The following DOCK7 variants were observed in gnomAD, a reference collection of about 807,000 sequenced individuals.
DOCK7 encodes dedicator of cytokinesis 7.
Under a neutral mutation model 271.0 loss-of-function variants are expected in DOCK7, and 138 were observed. That is an observed-to-expected ratio of 0.51 (90% CI 0.44 to 0.59). DOCK7 has a LOEUF of 0.59. Among genes scored for constraint, DOCK7 ranks in the 20% least tolerant of loss-of-function variants. The pLI, the probability that DOCK7 is intolerant of heterozygous loss-of-function variation, is 0.00. For synonymous variants in DOCK7, 823 were observed against 876.1 expected (o/e 0.94, Z 1.07); for missense variants, 2,066 against 2,592.4 (o/e 0.80, Z 4.41).
intron 1 of DOCK7, among the ~76,000 whole-genome samples, chr1:62,677,550 T>TAA (rs5774612): frequency 7.0e-6 from 1 of 142,112 alleles, no homozygotes; most frequent in East Asian, 2.0e-4. Context: ...CCCCAGCAAA[T>TAA]AAAAAAAAAA....
At chr1:62,488,774 G>A (rs558375029) in intron 42 of DOCK7, 160 bp downstream of exon 42, 1 of 869,220 alleles carries the variant, frequency 1.2e-6, no homozygotes, top group Admixed American at 2.0e-5. Flanking sequence ...TATTGTTAAT[G>A]AGCTTTGCTT....
At position 62,538,060 on chromosome 1, in the gene DOCK7, A is replaced by G. The variant is rs1423310583; in HGVS notation, c.3302T>C (p.Val1101Ala). Residue 1101 changes from valine to alanine, a missense_variant and splice_region_variant, in exon 28 of 50, where the codon GTG becomes GCG. By Grantham distance (64) the Val-to-Ala change is moderately conservative (BLOSUM62 0). Transcript: ENST00000635253. ...CGGTAATGAGTAAAGCTTTGAAGAC[A>G]CCTTGTAAGCAATGCATAAGTAAGA... is the stretch of plus-strand genomic sequence containing the variant. ...FSLIKSCYKQ[V>A]SSKLYSLPNP... 1 of 1,612,958 alleles carries G rather than the reference A, an allele frequency of 6.2e-7. No individual in the cohort carries two copies. Among genetic ancestry groups the G allele is most frequent in the Non-Finnish European group, 8.5e-7 (1 of 1,179,462 alleles).
At chr1:62,655,836 T>C (rs950496058) in intron 2 of DOCK7, among the ~76,000 whole-genome samples, 10 of 152,276 alleles carry the variant, frequency 6.6e-5, no homozygotes, top group Admixed American at 1.3e-4. Flanking sequence ...CATTTAAACT[T>C]CCCCCAAACC....
chr1:62,600,151 G>C (rs972737091), intron 14 of DOCK7, among the ~76,000 whole-genome samples: 14 of 151,584 alleles, frequency 9.2e-5, no homozygotes, highest in Admixed American at 4.0e-4. Context: ...ATGATTAAAT[G>C]AACCTGCTCC....
intron 48 of DOCK7, among the ~76,000 whole-genome samples, chr1:62,463,484 A>C (rs1307368920): frequency 6.6e-6 from 1 of 152,208 alleles, no homozygotes; most frequent in African/African-American, 2.4e-5. Context: ...TCTCTTGTAC[A>C]TGTATGTCCA....
In DOCK7 at chr1:62,530,420, T is replaced by C. The variant is rs1025974474; in HGVS notation, c.3612-974A>G. On this transcript the variant is annotated intron_variant, in intron 29 of 49. Transcript: ENST00000635253. ...TCAATGTCTCCCCTCATTAGGTTCT[T>C]CCCTTCTTTCTTCAAATATGCCTTT... 2.0e-5 allele frequency among the ~76,000 whole-genome samples: 3 copies of C among 152,220 alleles called. No homozygotes were observed. The East Asian group carries it at 5.8e-4, about 29-fold the overall frequency.
chr1:62,494,578 C>G, intron 39 of DOCK7, 111 bp from the exon 40 acceptor site: 1 of 924,310 alleles, frequency 1.1e-6, no homozygotes, highest in Non-Finnish European at 1.6e-6. Flanking sequence ...TGTGCACAAC[C>G]TACTTAGTTT....
intron 48 of DOCK7, among the ~76,000 whole-genome samples, chr1:62,466,162 A>G (rs967519562): frequency 3.3e-5 from 5 of 152,118 alleles, no homozygotes; most frequent in Non-Finnish European, 7.4e-5. Context: ...AAATCACTGA[A>G]GAAGGGGAAT....
chr1:62,624,238 GA>G (rs1249356300), intron 12 of DOCK7, among the ~76,000 whole-genome samples: 32 of 152,112 alleles, frequency 2.1e-4, no homozygotes, highest in Admixed American at 9.8e-4. Context: ...ACAAAAGGGG[GA>G]GGGGGGGAAC....
At chr1:62,582,423 G>A (rs1647159668) in intron 16 of DOCK7, among the ~76,000 whole-genome samples, 1 of 148,426 alleles carries the variant, frequency 6.7e-6, no homozygotes. Context: ...AGTGGCGGGC[G>A]CCTGTAGTCC....
intron 14 of DOCK7, chr1:62,604,007 G>C (rs777157926): frequency 6.2e-7 from 1 of 1,613,002 alleles, no homozygotes; most frequent in Non-Finnish European, 8.5e-7. Flanking sequence ...ATACTCCATA[G>C]TGAAGCAATC....
chr1:62,563,194 C>T (rs968715472), intron 18 of DOCK7, among the ~76,000 whole-genome samples: 1 of 152,224 alleles, frequency 6.6e-6, no homozygotes, highest in East Asian at 1.9e-4. Context: ...ACTGGATCCA[C>T]CCTAGAAAGT....
intron 44 of DOCK7, among the ~76,000 whole-genome samples, chr1:62,476,700 TATGACACTGAGTA>T (rs1645978419): frequency 6.6e-6 from 1 of 152,198 alleles, no homozygotes; most frequent in Admixed American, 6.5e-5. Flanking sequence ...GACTACTCCA[TATGACACTGAGTA>T]GCAGCAGCAT....
In DOCK7 at chr1:62,603,825, T is replaced by A. The variant is rs564699930; in HGVS notation, c.1682+14881A>T. The A allele has an allele frequency of 6.7e-4, 484 of 725,336 alleles. 2 individuals carry two copies. In the African/African-American group the frequency reaches 7.8e-3, roughly 12 times the overall value. 44.9% of individuals were successfully genotyped at this position (725,336 alleles called of 1,614,324 possible). A position where few individuals can be genotyped will look rare whatever the true frequency, so the allele number is the denominator to read the frequency against. On this transcript the variant is annotated intron_variant, in intron 14 of 49. Coordinates refer to ENST00000635253, the MANE Select transcript of DOCK7 (RefSeq NM_001367561.1). Reference sequence around the variant, plus strand: ...TCTTCAATAAAATTGTTTTAAAAGGTATTATTTTAAGATACACTAAAATGA... The same window carrying A: ...TCTTCAATAAAATTGTTTTAAAAGGAATTATTTTAAGATACACTAAAATGA...
At chr1:62,577,421 C>A in intron 17 of DOCK7, 58 bp from the exon 18 acceptor site, 1 of 1,331,144 alleles carries the variant, frequency 7.5e-7, no homozygotes, top group South Asian at 1.8e-5. Flanking sequence ...AAAATAATTA[C>A]TTAGCATGTT....
intron 14 of DOCK7, among the ~76,000 whole-genome samples, chr1:62,592,552 T>C (rs1363236682): frequency 6.6e-6 from 1 of 152,036 alleles, no homozygotes; most frequent in African/African-American, 2.4e-5. Context: ...TTGTTATATA[T>C]ATAACAAAGA....
intron 14 of DOCK7, among the ~76,000 whole-genome samples, chr1:62,596,189 A>G (rs1428885568): frequency 6.6e-6 from 1 of 152,108 alleles, no homozygotes; most frequent in Non-Finnish European, 1.5e-5. Context: ...TTATTGTTAA[A>G]TTATCATAAC....
At chr1:62,520,924 T>C (rs549869315) in intron 31 of DOCK7, among the ~76,000 whole-genome samples, 1 of 152,042 alleles carries the variant, frequency 6.6e-6, no homozygotes, top group South Asian at 2.1e-4. Context: ...TATGCAGCCA[T>C]AAAAAGGATG....
chr1:62,501,304 T>C lies in DOCK7; in HGVS notation c.4764+3326A>G, dbSNP rs528007093. Among the ~76,000 whole-genome samples the C allele has an allele frequency of 3.3e-5, 5 of 152,294 alleles. No homozygotes were observed. In the South Asian group the frequency reaches 1.0e-3, roughly 32 times the overall value. ...AACTGGTGGTAAGCAATATTTCATT[T>C]TACAACTAAGACTACAAACTAAGAC... is the stretch of plus-strand genomic sequence containing the variant. On this transcript the variant is annotated intron_variant, in intron 37 of 49. Coordinates refer to ENST00000635253, the MANE Select transcript of DOCK7 (RefSeq NM_001367561.1).
Sources: allele counts gnomAD v4.1 joint callset (sites outside exome capture counted in the v4.1 genomes callset), GRCh38; gene constraint gnomAD v4.1.1; transcripts MANE v1.5; gene names NCBI Gene and HGNC (gene_info 2026-07-23, HGNC 2026-07-21).